Variants in METTL15 observed in about 807,000 individuals in gnomAD.
METTL15 encodes the protein 12S rRNA N(4)-cytidine methyltransferase METTL15.
Under a neutral mutation model 38.3 loss-of-function variants are expected in METTL15, and 34 were observed. The ratio of observed to expected loss-of-function variants is 0.89; its 90% CI spans 0.68 to 1.18. METTL15 has a LOEUF of 1.18. Ranked by LOEUF, METTL15 falls within the 50% of genes most tolerant of loss-of-function variation. METTL15 has a pLI of 0.00. For missense variants in METTL15, 438 were observed against 498.4 expected, an observed-to-expected ratio of 0.88 and a Z score of 1.15; for synonymous variants, 162 against 170.9, an observed-to-expected ratio of 0.95 and a Z score of 0.41.
intron 4 of METTL15, among the ~76,000 whole-genome samples, chr11:28,265,051 T>C (rs1190979110): frequency 6.6e-6 from 1 of 152,170 alleles, no homozygotes; most frequent in Non-Finnish European, 1.5e-5. Context: ...TTATAAAATA[T>C]GGAATTAGCC....
chr11:28,157,579 C>G (rs1427342910), intron 3 of METTL15, among the ~76,000 whole-genome samples: 1 of 152,168 alleles, frequency 6.6e-6, no homozygotes, highest in Non-Finnish European at 1.5e-5. Flanking sequence ...GAACATTTGA[C>G]TATATGTCAT....
chr11:28,174,289 T>C (rs1314044992), intron 3 of METTL15, among the ~76,000 whole-genome samples: 3 of 127,106 alleles, frequency 2.4e-5, no homozygotes, highest in African/African-American at 1.1e-4. Flanking sequence ...TGCTTCTTGA[T>C]TTTGAATCAT....
intron 3 of METTL15, among the ~76,000 whole-genome samples, chr11:28,129,547 C>G (rs879487273): frequency 1.4e-4 from 22 of 151,906 alleles, no homozygotes; most frequent in Middle Eastern, 6.3e-3. Flanking sequence ...GTAGCTGGGA[C>G]TACAGGTGTG....
intron 4 of METTL15, among the ~76,000 whole-genome samples, chr11:28,220,558 G>T (rs957137534): frequency 2.0e-5 from 3 of 152,058 alleles, no homozygotes; most frequent in East Asian, 1.9e-4. Context: ...TTAGCCCATT[G>T]ACATTTAAGG....
chr11:28,140,059 C>T (rs572040917), intron 3 of METTL15, among the ~76,000 whole-genome samples: 1 of 152,258 alleles, frequency 6.6e-6, no homozygotes, highest in South Asian at 2.1e-4. Flanking sequence ...TGTCCATACA[C>T]CCTAGCTGGG....
At chr11:28,429,400 G>A (rs1445783924) in intron 6 of METTL15, among the ~76,000 whole-genome samples, 39 of 24,582 alleles carry the variant, frequency 1.6e-3, no homozygotes, top group Admixed American at 3.1e-3. Context: ...TCTCCCCACG[G>A]TCTCCCTCTC....
chr11:28,231,947 T>C (rs1296974794), intron 4 of METTL15, among the ~76,000 whole-genome samples: 1 of 151,854 alleles, frequency 6.6e-6, no homozygotes, highest in Non-Finnish European at 1.5e-5. Context: ...ACATACTCAA[T>C]ATCATATGGA....
At chr11:28,390,766 A>G (rs1418245813) in intron 5 of METTL15, among the ~76,000 whole-genome samples, 1 of 152,166 alleles carries the variant, frequency 6.6e-6, no homozygotes, top group Non-Finnish European at 1.5e-5. Flanking sequence ...TTGTGTGAAG[A>G]AAGGCATTGG....
chr11:28,210,436 A>G (rs1456290591), intron 3 of METTL15, among the ~76,000 whole-genome samples: 1 of 151,826 alleles, frequency 6.6e-6, no homozygotes, highest in African/African-American at 2.4e-5. Flanking sequence ...AGACATAGAT[A>G]CTTTGTGTCA....
At chr11:28,521,102 A>G (rs1323615061) in intron 6 of METTL15, among the ~76,000 whole-genome samples, 1 of 152,164 alleles carries the variant, frequency 6.6e-6, no homozygotes, top group Non-Finnish European at 1.5e-5. Flanking sequence ...CCTTTAAAAA[A>G]TCCATAATTG....
At chr11:28,465,192 A>G (rs1851246950) in intron 6 of METTL15, among the ~76,000 whole-genome samples, 1 of 152,068 alleles carries the variant, frequency 6.6e-6, no homozygotes, top group South Asian at 2.1e-4. Context: ...AACGGTAATG[A>G]CCACTTCCCT....
chr11:28,476,598 CA>C (rs1432525720), intron 6 of METTL15, among the ~76,000 whole-genome samples: 3 of 152,136 alleles, frequency 2.0e-5, no homozygotes, highest in Non-Finnish European at 4.4e-5. Context: ...ACAGGTTAAT[CA>C]ATATGTCCTC....
intron 6 of METTL15, among the ~76,000 whole-genome samples, chr11:28,503,506 A>C (rs1385615159): frequency 6.6e-6 from 1 of 152,166 alleles, no homozygotes. Context: ...AAAGATTCAG[A>C]CCCAGGCTGG....
At chr11:28,282,466 G>T (rs1315028895) in intron 4 of METTL15, among the ~76,000 whole-genome samples, 1 of 152,120 alleles carries the variant, frequency 6.6e-6, no homozygotes, top group Non-Finnish European at 1.5e-5. Context: ...ATGATATATT[G>T]TTTATAAAAA....
chr11:28,453,068 C>A (rs1851136997), intron 6 of METTL15, among the ~76,000 whole-genome samples: 1 of 152,230 alleles, frequency 6.6e-6, no homozygotes, highest in Non-Finnish European at 1.5e-5. Flanking sequence ...ATCCCTACAT[C>A]ATGCCACACC....
intron 5 of METTL15, among the ~76,000 whole-genome samples, chr11:28,415,393 G>A (rs1850764340): frequency 6.6e-6 from 1 of 152,184 alleles, no homozygotes; most frequent in African/African-American, 2.4e-5. Flanking sequence ...ATATAGCTAT[G>A]AATCCAGCTA....
At chr11:28,207,166 A>T (rs983310785) in intron 3 of METTL15, among the ~76,000 whole-genome samples, 5 of 150,476 alleles carry the variant, frequency 3.3e-5, no homozygotes, top group Non-Finnish European at 7.4e-5. Context: ...GTGGTGAGAG[A>T]GGGCATCCGT....
chr11:28,471,201 T>C (rs949983143), intron 6 of METTL15, among the ~76,000 whole-genome samples: 1 of 152,026 alleles, frequency 6.6e-6, no homozygotes, highest in Non-Finnish European at 1.5e-5. Context: ...TCCTCCAGAG[T>C]AAGCATACTA....
At chr11:28,285,933 A>G (rs918964299) in intron 4 of METTL15, among the ~76,000 whole-genome samples, 4 of 152,192 alleles carry the variant, frequency 2.6e-5, no homozygotes, top group African/African-American at 9.6e-5. Flanking sequence ...ATAGTGGGCC[A>G]TTGGGATAAT....
Sources: allele counts gnomAD v4.1 joint callset (sites outside exome capture counted in the v4.1 genomes callset), GRCh38; gene constraint gnomAD v4.1.1; transcripts MANE v1.5; gene names NCBI Gene and HGNC (gene_info 2026-07-23, HGNC 2026-07-21).